Variants in NXPE4 observed in about 807,000 individuals in gnomAD.
The protein encoded by NXPE4 is neurexophilin and PC-esterase domain family member 4.
Under a neutral mutation model 33.3 loss-of-function variants are expected in NXPE4, and 42 were observed. The observed-to-expected ratio is 1.26, with a 90% confidence interval of 0.98 to 1.63. The LOEUF (loss-of-function observed/expected upper bound fraction) is 1.63, where lower values mean the gene tolerates loss of function less well. NXPE4 is among the 40% of genes most tolerant of loss of function. NXPE4 has a pLI of 0.00. For missense variants in NXPE4, 709 were observed against 647.6 expected (o/e 1.09, Z -1.03); for synonymous variants, 253 against 234.9 (o/e 1.08, Z -0.71).
chr11:114,612,311 G>A, the NXPE4 span, among the ~76,000 whole-genome samples: 2 of 151,850 alleles, frequency 1.3e-5, no homozygotes, highest in East Asian at 1.9e-4. Context: ...TGCCTCGCAG[G>A]TAACCACTGT....
the NXPE4 span, among the ~76,000 whole-genome samples, chr11:114,668,938 A>C: frequency 6.6e-6 from 1 of 152,134 alleles, no homozygotes. Context: ...TTTGATTAGA[A>C]GAATGGAATC....
intron 4 of NXPE4, 85 bp from the exon 5 acceptor site, chr11:114,580,423 T>C (rs1949113719): frequency 2.7e-6 from 3 of 1,115,566 alleles, no homozygotes; most frequent in Admixed American, 1.8e-5. Context: ...CCTCTAAGTA[T>C]CCTAAGAGGG....
the NXPE4 span, among the ~76,000 whole-genome samples, chr11:114,613,509 A>G: frequency 6.6e-6 from 1 of 151,902 alleles, no homozygotes; most frequent in Non-Finnish European, 1.5e-5. Context: ...CCCAGTGGAT[A>G]ATAAGTATTG....
At chr11:114,617,188 T>C in the NXPE4 span, among the ~76,000 whole-genome samples, 1 of 151,964 alleles carries the variant, frequency 6.6e-6, no homozygotes, top group Non-Finnish European at 1.5e-5. Flanking sequence ...TAATAAGTGT[T>C]GTCTTGTTGG....
chr11:114,621,473 T>C, the NXPE4 span, among the ~76,000 whole-genome samples: 1 of 152,176 alleles, frequency 6.6e-6, no homozygotes, highest in African/African-American at 2.4e-5. Context: ...AAGTATTGCC[T>C]CATGGGTAAC....
chr11:114,632,538 TTA>T, the NXPE4 span, among the ~76,000 whole-genome samples: 1 of 120,318 alleles, frequency 8.3e-6, no homozygotes, highest in African/African-American at 3.2e-5. Flanking sequence ...TATATATTTA[TTA>T]TATATGTATA....
chr11:114,635,631 T>A, the NXPE4 span, among the ~76,000 whole-genome samples: 3 of 151,940 alleles, frequency 2.0e-5, no homozygotes, highest in African/African-American at 7.2e-5. Flanking sequence ...TATTTTGAGA[T>A]ATGTCCCATC....
chr11:114,581,619 A>C (rs111229935), intron 4 of NXPE4, 106 bp downstream of exon 4: 14 of 882,588 alleles, frequency 1.6e-5, no homozygotes, highest in Non-Finnish European at 2.3e-5. Flanking sequence ...AGCCAGATGA[A>C]CAGAGTGCTG....
At chr11:114,646,938 G>C in the NXPE4 span, among the ~76,000 whole-genome samples, 3 of 152,118 alleles carry the variant, frequency 2.0e-5, no homozygotes, top group African/African-American at 7.2e-5. Flanking sequence ...CAAATAAGAA[G>C]CATGAGATTG....
At chr11:114,604,439 C>T in the NXPE4 span, among the ~76,000 whole-genome samples, 84 of 146,056 alleles carry the variant, frequency 5.8e-4, no homozygotes, top group South Asian at 3.1e-3. Context: ...CATTGTTACC[C>T]GGTGGACACT....
At chr11:114,672,705 T>C in the NXPE4 span, among the ~76,000 whole-genome samples, 13,996 of 151,924 alleles carry the variant, frequency 0.092, 758 homozygotes, top group Middle Eastern at 0.2. Context: ...AATGTCACCA[T>C]GGATAATGAG....
At chr11:114,656,585 A>G in the NXPE4 span, among the ~76,000 whole-genome samples, 1 of 152,094 alleles carries the variant, frequency 6.6e-6, no homozygotes, top group African/African-American at 2.4e-5. Flanking sequence ...AATTGCATGA[A>G]AAATATTTAT....
the NXPE4 span, among the ~76,000 whole-genome samples, chr11:114,640,271 A>G: frequency 1.1e-3 from 159 of 143,768 alleles, 1 homozygote; most frequent in Non-Finnish European, 2.0e-3. Context: ...AGTATATAAT[A>G]TATAATACAT....
the NXPE4 span, among the ~76,000 whole-genome samples, chr11:114,638,936 G>A: frequency 6.6e-6 from 1 of 151,538 alleles, no homozygotes; most frequent in Non-Finnish European, 1.5e-5. Flanking sequence ...ACTTGAGGAG[G>A]CAGTCTGCCC....
chr11:114,601,921 TAA>T, the NXPE4 span, among the ~76,000 whole-genome samples: 911 of 55,904 alleles, frequency 0.016, 16 homozygotes, highest in African/African-American at 0.052. Flanking sequence ...TAATTATATA[TAA>T]TATATTTATA....
chr11:114,600,373 A>T (rs1256605644), upstream of NXPE4, among the ~76,000 whole-genome samples: 1 of 152,100 alleles, frequency 6.6e-6, no homozygotes, highest in Non-Finnish European at 1.5e-5. Context: ...TTATACATGA[A>T]ATGACCCATT....
At chr11:114,608,583 GATA>G in the NXPE4 span, among the ~76,000 whole-genome samples, 1 of 151,392 alleles carries the variant, frequency 6.6e-6, no homozygotes, top group African/African-American at 2.4e-5. Flanking sequence ...ATACCCACTG[GATA>G]ATAATTGTTG....
the NXPE4 span, among the ~76,000 whole-genome samples, chr11:114,622,662 C>T: frequency 6.6e-6 from 1 of 151,800 alleles, no homozygotes; most frequent in African/African-American, 2.4e-5. Context: ...ACCAGTGTTA[C>T]CCGGTGGATA....
At chr11:114,638,481 C>T in the NXPE4 span, among the ~76,000 whole-genome samples, 64 of 152,134 alleles carry the variant, frequency 4.2e-4, no homozygotes, top group Middle Eastern at 6.8e-3. Flanking sequence ...AGTCATTCTC[C>T]GTCCAACTTT....
Sources: allele counts gnomAD v4.1 joint callset (sites outside exome capture counted in the v4.1 genomes callset), GRCh38; gene constraint gnomAD v4.1.1; transcripts MANE v1.5; gene names NCBI Gene and HGNC (gene_info 2026-07-23, HGNC 2026-07-21).